The following GRAP2 variants were observed in gnomAD, a reference collection of about 807,000 sequenced individuals.
The protein encoded by GRAP2 is GRB2 related adaptor protein 2, also known as GRB2-related adapter protein 2.
A neutral mutation model predicts 43.5 loss-of-function variants in GRAP2; 31 were observed. The ratio of observed to expected loss-of-function variants is 0.71; its 90% CI spans 0.54 to 0.96. The LOEUF (loss-of-function observed/expected upper bound fraction) is 0.96, where lower values mean the gene tolerates loss of function less well. Ranked by LOEUF, GRAP2 falls within the 40% of genes least tolerant of loss-of-function variation. GRAP2 has a pLI of 0.00. For missense variants in GRAP2, 371 were observed against 424.4 expected (o/e 0.87, Z 1.11); for synonymous variants, 156 against 164.8 (o/e 0.95, Z 0.41).
intron 1 of GRAP2, among the ~76,000 whole-genome samples, chr22:39,903,430 T>C (rs1366694676): frequency 1.3e-5 from 2 of 150,030 alleles, no homozygotes; most frequent in African/African-American, 2.5e-5. Flanking sequence ...TGGGCAGATC[T>C]CCAAAAATAA....
At chr22:39,915,840 A>G (rs542679248) in intron 1 of GRAP2, among the ~76,000 whole-genome samples, 7 of 152,220 alleles carry the variant, frequency 4.6e-5, no homozygotes, top group Admixed American at 3.9e-4. Flanking sequence ...CAGTAGCATC[A>G]TTGGAAAAGA....
At chr22:39,964,702 G>C (rs1011795325) in intron 4 of GRAP2, 74 of 265,146 alleles carry the variant, frequency 2.8e-4, no homozygotes, top group Non-Finnish European at 2.6e-4. Context: ...GTACATTTAA[G>C]AATAAACTTT....
intron 1 of GRAP2, among the ~76,000 whole-genome samples, chr22:39,940,860 A>G (rs1002124845): frequency 9.2e-5 from 14 of 152,226 alleles, no homozygotes; most frequent in African/African-American, 3.1e-4. Flanking sequence ...CTTAAAACTC[A>G]TGAGAGACAA....
chr22:39,936,648 G>C (rs2066809328), intron 1 of GRAP2, among the ~76,000 whole-genome samples: 1 of 152,072 alleles, frequency 6.6e-6, no homozygotes, highest in African/African-American at 2.4e-5. Flanking sequence ...GGAAAGGTAA[G>C]AGAACTGTGA....
intron 1 of GRAP2, among the ~76,000 whole-genome samples, chr22:39,906,894 G>A (rs1187251774): frequency 6.6e-6 from 1 of 152,106 alleles, no homozygotes; most frequent in East Asian, 1.9e-4. Flanking sequence ...AAATAACTAG[G>A]AAATATTACA....
chr22:39,929,402 T>C (rs1319507810), intron 1 of GRAP2, among the ~76,000 whole-genome samples: 1 of 152,222 alleles, frequency 6.6e-6, no homozygotes, highest in Non-Finnish European at 1.5e-5. Flanking sequence ...TTGTGAATAG[T>C]CATGGTTAAA....
At chr22:39,935,465 A>G (rs1464795123) in intron 1 of GRAP2, among the ~76,000 whole-genome samples, 2 of 152,362 alleles carry the variant, frequency 1.3e-5, no homozygotes, top group East Asian at 3.9e-4. Context: ...AAACAAGACA[A>G]ATACAAGAGG....
At chr22:39,913,192 CAAAA>C (rs397868164) in intron 1 of GRAP2, among the ~76,000 whole-genome samples, 2,566 of 62,308 alleles carry the variant, frequency 0.041, 40 homozygotes, top group South Asian at 0.091. Flanking sequence ...GACTCCATCT[CAAAA>C]AAAAAAAAAA....
rs777777879 is a variant in GRAP2 at position 39,971,063 on chromosome 22, C to T, written c.972C>T (p.Tyr324=). 22 of 1,613,084 alleles carry T rather than the reference C, an allele frequency of 1.4e-5. No homozygotes were observed. The highest frequency in any genetic ancestry group is 6.7e-5 in the East Asian group (3 of 44,872). The part of the protein sequence containing the change: ...HNKLGLFPAN[Y]VAPMTR ...AGCTGGGCCTCTTCCCTGCCAACTA[C>T]GTGGCACCCATGACCCGATAAACTC... is the stretch of plus-strand genomic sequence containing the variant. The change falls in exon 8 of 8, where the codon TAC becomes TAT. Residue 324 remains tyrosine, a synonymous_variant. Coordinates refer to ENST00000344138, the MANE Select transcript of GRAP2 (RefSeq NM_004810.4).
At chr22:39,964,626 C>T (rs1393559433) in intron 4 of GRAP2, 1 of 666,000 alleles carries the variant, frequency 1.5e-6, no homozygotes. Flanking sequence ...ATTTAAACCT[C>T]TCTATTCCCT....
chr22:39,969,577 G>A (rs1345122593), intron 7 of GRAP2, 44 bp downstream of exon 7: 2 of 1,606,252 alleles, frequency 1.2e-6, no homozygotes, highest in Middle Eastern at 3.4e-4. Context: ...GAAAGGCCTT[G>A]GGACAGAGGT....
intron 4 of GRAP2, 105 bp downstream of exon 4, chr22:39,960,279 CA>C: frequency 8.8e-7 from 1 of 1,136,782 alleles, no homozygotes. Flanking sequence ...TGGTCAGAAG[CA>C]TGGTGGCCTA....
intron 2 of GRAP2, chr22:39,947,924 G>A (rs898663611): frequency 6.6e-6 from 1 of 152,144 alleles, no homozygotes; most frequent in Non-Finnish European, 1.5e-5. Context: ...GGAGTGTGTG[G>A]AGCCAGACCC....
intron 1 of GRAP2, among the ~76,000 whole-genome samples, chr22:39,946,083 A>G (rs1029289349): frequency 1.1e-4 from 16 of 151,088 alleles, no homozygotes; most frequent in African/African-American, 3.7e-4. Context: ...ATGGTCTTGA[A>G]CTCCTGACCT....
intron 1 of GRAP2, among the ~76,000 whole-genome samples, chr22:39,946,242 T>C (rs2066921416): frequency 6.6e-5 from 10 of 152,196 alleles, no homozygotes; most frequent in Admixed American, 6.5e-4. Context: ...AAATGGAGAC[T>C]CCAAGGGTTT....
At chr22:39,931,926 G>T (rs1480877478) in intron 1 of GRAP2, among the ~76,000 whole-genome samples, 1 of 152,230 alleles carries the variant, frequency 6.6e-6, no homozygotes, top group East Asian at 1.9e-4. Context: ...CACAAGAAAG[G>T]TAGAGAAAAC....
At chr22:39,948,075 A>G (rs1432914646) in intron 2 of GRAP2, 1 of 150,844 alleles carries the variant, frequency 6.6e-6, no homozygotes, top group Non-Finnish European at 1.5e-5. Flanking sequence ...CACTGAGGCC[A>G]TTAGTGTCTC....
intron 1 of GRAP2, among the ~76,000 whole-genome samples, chr22:39,935,070 TGACCAGGAGATCAA>T (rs2066792714): frequency 6.6e-6 from 1 of 152,174 alleles, no homozygotes; most frequent in Non-Finnish European, 1.5e-5. Flanking sequence ...CTGAGGAAAA[TGACCAGGAGATCAA>T]GAGTTGGAAC....
Position 39,955,850 on chromosome 22 carries a change from C to T in GRAP2, c.110C>T (p.Ala37Val), listed in dbSNP as rs371786533. ...AGTAACCAAGAGGAGTGGTTTAAGGCGGAGCTTGGGAGCCAGGAAGGATAT... is the reference window on the plus strand; with the variant it reads ...AGTAACCAAGAGGAGTGGTTTAAGGTGGAGCTTGGGAGCCAGGAAGGATAT... ...ILSNQEEWFK[A>V]ELGSQEGYVP... The change falls in exon 3 of 8, where the codon GCG becomes GTG. Residue 37 changes from alanine to valine, a missense_variant. By Grantham distance (64) the Ala-to-Val change is moderately conservative. Transcript: ENST00000344138. 2.1e-5 allele frequency: 34 copies of T among 1,587,670 alleles called. No individual in the cohort carries two copies. Among genetic ancestry groups the T allele is most frequent in the African/African-American group, 6.7e-5 (5 of 74,342 alleles).
Sources: gnomAD v4.1 joint callset for allele counts (sites outside exome capture counted in the v4.1 genomes callset) on GRCh38, gnomAD v4.1.1 for gene constraint, MANE v1.5 for transcripts, NCBI Gene and HGNC (gene_info 2026-07-23, HGNC 2026-07-21) for gene names.